Variants in BLMH observed in about 807,000 individuals in gnomAD.
BLMH encodes the protein bleomycin hydrolase, also known as BLM hydrolase.
In BLMH, 32 loss-of-function variants were observed where a neutral mutation model predicts 61.6. The observed-to-expected ratio is 0.52, with a 90% CI of 0.39 to 0.70. BLMH has a LOEUF of 0.70. Ranked by LOEUF, BLMH falls within the 30% of genes least tolerant of loss-of-function variation. The pLI is 0.00. For synonymous variants in BLMH, 183 were observed against 193.8 expected, an observed-to-expected ratio of 0.94 and a Z score of 0.46; for missense variants, 460 against 555.5, an observed-to-expected ratio of 0.83 and a Z score of 1.73.
chr17:30,268,930 C>T (rs1156665407), intron 10 of BLMH, among the ~76,000 whole-genome samples: 2 of 149,194 alleles, frequency 1.3e-5, no homozygotes, highest in Non-Finnish European at 3.0e-5. Flanking sequence ...CACGCCTGCA[C>T]TCAGGAGGCT....
intron 6 of BLMH, among the ~76,000 whole-genome samples, chr17:30,284,419 T>C (rs930917906): frequency 1.2e-4 from 19 of 152,140 alleles, no homozygotes; most frequent in African/African-American, 4.6e-4. Flanking sequence ...AAAACACAAG[T>C]GAAGCATTAG....
Position 30,291,788 on chromosome 17 carries a change from G to A in BLMH, c.13+19C>T. 7.1e-7 allele frequency: 1 copy of A among 1,402,076 alleles called. No homozygotes were observed. Among genetic ancestry groups the A allele is most frequent in the Non-Finnish European group, 9.2e-7 (1 of 1,082,610 alleles). 86.9% of individuals were successfully genotyped at this position (1,402,076 alleles called of 1,614,324 possible). A position where few individuals can be genotyped will look rare whatever the true frequency, so the allele number is the denominator to read the frequency against. Reference sequence around the variant, plus strand: ...GGAGCTCCTCCAGAGGACCGCGGCGGGGGACGGCGGCACCTCACCCGAGCT... The same window carrying A: ...GGAGCTCCTCCAGAGGACCGCGGCGAGGGACGGCGGCACCTCACCCGAGCT... On this transcript the variant is annotated intron_variant, in intron 1 of 11. Transcript: ENST00000261714.
intron 5 of BLMH, 135 bp downstream of exon 5, chr17:30,286,679 G>T: frequency 1.7e-6 from 1 of 594,618 alleles, no homozygotes; most frequent in African/African-American, 2.0e-5. Flanking sequence ...TAGCTACATT[G>T]CTTTTGACAG....
At chr17:30,280,225 A>T (rs1005622407) in intron 6 of BLMH, among the ~76,000 whole-genome samples, 1 of 152,200 alleles carries the variant, frequency 6.6e-6, no homozygotes, top group Non-Finnish European at 1.5e-5. Context: ...CTCATTGCCT[A>T]TTGAATTGGG....
chr17:30,261,114 A>G (rs954687642), intron 11 of BLMH, among the ~76,000 whole-genome samples: 1 of 152,194 alleles, frequency 6.6e-6, no homozygotes, highest in Admixed American at 6.5e-5. Flanking sequence ...CCATTATTGT[A>G]CTAGAGATCC....
At chr17:30,255,374 A>T (rs1907785008) in intron 11 of BLMH, among the ~76,000 whole-genome samples, 1 of 152,188 alleles carries the variant, frequency 6.6e-6, no homozygotes, top group Non-Finnish European at 1.5e-5. Flanking sequence ...ACAATCACAA[A>T]ATCACCTAAT....
At chr17:30,280,745 T>C (rs1723179306) in intron 6 of BLMH, among the ~76,000 whole-genome samples, 1 of 152,214 alleles carries the variant, frequency 6.6e-6, no homozygotes, top group Non-Finnish European at 1.5e-5. Context: ...CCCAAGGCAC[T>C]GGGATTATAG....
In BLMH at chr17:30,249,006, G is replaced by A. The variant is rs756057721; in HGVS notation, c.*11C>T. On this transcript the variant is annotated 3_prime_UTR_variant, in exon 12 of 12. Coordinates refer to ENST00000261714, the MANE Select transcript of BLMH (RefSeq NM_000386.4). ...GGTTCCATGGAAGGAGGAAAGAGCT[G>A]GAGGGCAGTATCACTCAGCCAAAGC... 2 of 1,613,644 alleles carry A rather than the reference G, an allele frequency of 1.2e-6. No individual in the cohort carries two copies. Among genetic ancestry groups the A allele is most frequent in the Admixed American group, 1.7e-5 (1 of 60,002 alleles).
chr17:30,272,883 T>A lies in BLMH; in HGVS notation c.818A>T (p.Asp273Val), dbSNP rs764977717. 30 of 1,613,138 alleles carry A rather than the reference T, an allele frequency of 1.9e-5. No homozygotes were observed. The highest frequency in any genetic ancestry group is 2.5e-5 in the Non-Finnish European group (30 of 1,179,792). Residue 273 changes from aspartate (D) to valine (V), a missense_variant, in exon 8 of 12, where the codon GAC (aspartate) becomes GTC (valine). Asp to Val is a radical substitution (Grantham distance 152). Around this residue, in one of 5 missense-constraint regions of BLMH, gnomAD observed 310 missense variants for 371.1 expected, o/e 0.84. Coordinates refer to ENST00000261714, the MANE Select transcript of BLMH (RefSeq NM_000386.4). ...GTTGTACTTGTGCTGGGGCCTAGGG[T>A]CATTCACTAAACAAATCTATCAAGA... ...NMEDKICLVN[D>V]PRPQHKYNKL... is the part of the protein sequence containing the mutation.
At position 30,272,855 on chromosome 17, in the gene BLMH, T is replaced by A. The variant is rs768023055; in HGVS notation, c.846A>T (p.Lys282Asn). Residue 282 changes from lysine to asparagine, a missense_variant, in exon 8 of 12, where the codon AAA becomes AAT. Lys to Asn is a moderately conservative substitution (Grantham distance 94, BLOSUM62 0). Coordinates refer to ENST00000261714, the MANE Select transcript of BLMH (RefSeq NM_000386.4). ...NDPRPQHKYNKLYTVEYLSNM... is the reference protein window; with the variant it reads ...NDPRPQHKYNNLYTVEYLSNM... ...TGCTTAAGTATTCCACTGTGTAAAG[T>A]TTGTTGTACTTGTGCTGGGGCCTAG... The A allele has an allele frequency of 6.2e-7, 1 of 1,614,166 alleles. No homozygotes were observed. Among genetic ancestry groups the A allele is most frequent in the Non-Finnish European group, 8.5e-7 (1 of 1,180,030 alleles).
chr17:30,288,458 T>A (rs1441590234), intron 3 of BLMH, among the ~76,000 whole-genome samples: 2 of 152,176 alleles, frequency 1.3e-5, no homozygotes, highest in African/African-American at 2.4e-5. Context: ...GCTCAAGCAA[T>A]CCTCCTACCT....
intron 7 of BLMH, chr17:30,273,165 A>ATTTTT: frequency 5.2e-6 from 1 of 193,312 alleles, no homozygotes; most frequent in Non-Finnish European, 1.0e-5. Context: ...TCCAAAAGCA[A>ATTTTT]TTTTTTTTTT....
chr17:30,262,998 G>A (rs2143020720), intron 11 of BLMH, among the ~76,000 whole-genome samples: 1 of 152,122 alleles, frequency 6.6e-6, no homozygotes, highest in East Asian at 1.9e-4. Context: ...ATGCTCTAGG[G>A]GCCTTTTCTC....
At chr17:30,272,405 T>C (rs1211285605) in intron 9 of BLMH, 156 bp downstream of exon 9, 5 of 776,582 alleles carry the variant, frequency 6.4e-6, no homozygotes, top group East Asian at 2.4e-5. Flanking sequence ...GTTTCTGCTA[T>C]GAGTCCTCAA....
chr17:30,275,848 T>C (rs1908408423), intron 6 of BLMH, among the ~76,000 whole-genome samples: 1 of 152,176 alleles, frequency 6.6e-6, no homozygotes, highest in South Asian at 2.1e-4. Context: ...ACCACCCTGA[T>C]CCAATCATCT....
intron 11 of BLMH, among the ~76,000 whole-genome samples, chr17:30,252,889 T>C (rs1477557811): frequency 6.6e-6 from 1 of 152,154 alleles, no homozygotes. Context: ...TGGCCCTTAA[T>C]TAACATCACC....
chr17:30,283,077 A>G (rs1021816009), intron 6 of BLMH, among the ~76,000 whole-genome samples: 7 of 152,132 alleles, frequency 4.6e-5, no homozygotes, highest in African/African-American at 1.7e-4. Context: ...CTGAAGCAGC[A>G]TTTGAGCCCA....
intron 6 of BLMH, among the ~76,000 whole-genome samples, chr17:30,274,851 T>G (rs1456865826): frequency 6.6e-6 from 1 of 151,992 alleles, no homozygotes; most frequent in African/African-American, 2.4e-5. Context: ...TGGTGGCTCA[T>G]GCCTGTAGTC....
rs1031490405 is a variant in BLMH, at chr17:30,249,326, T to G, written c.1217-158A>C. The G allele has an allele frequency of 6.0e-5, 51 of 844,714 alleles. No individual in the cohort carries two copies. In the South Asian group the frequency reaches 8.7e-4, roughly 14 times the overall value. 52.3% of individuals were successfully genotyped at this position (844,714 alleles called of 1,614,324 possible). The stretch of plus-strand genomic sequence containing the variant: ...TTAATCTAAATCTTATTAGCAATTC[T>G]GTGAAGCAGATAGGACAGGCATGGC... On this transcript the variant is annotated intron_variant, in intron 11 of 11. Coordinates refer to ENST00000261714, the MANE Select transcript of BLMH (RefSeq NM_000386.4).
Sources: gnomAD v4.1 joint callset for allele counts (sites outside exome capture counted in the v4.1 genomes callset) on GRCh38, gnomAD v4.1.1 for gene constraint, gnomAD v4.1.1 regional missense constraint, MANE v1.5 for transcripts, NCBI Gene and HGNC (gene_info 2026-07-23, HGNC 2026-07-21) for gene names.